The following SUFU variants were observed in gnomAD, a reference collection of about 807,000 sequenced individuals.
SUFU encodes the protein SUFU negative regulator of hedgehog signaling, also known as suppressor of fused homolog.
A neutral mutation model predicts 58.9 loss-of-function variants in SUFU; 7 were observed. That is an observed-to-expected ratio of 0.12 (90% CI 0.07 to 0.22). The LOEUF (loss-of-function observed/expected upper bound fraction) is 0.22. Among genes scored for constraint, SUFU ranks in the 10% least tolerant of loss-of-function variants. SUFU has a pLI of 1.00. For synonymous variants in SUFU, 232 were observed against 254.8 expected, an observed-to-expected ratio of 0.91 and a Z score of 0.85; for missense variants, 451 against 641.3, an observed-to-expected ratio of 0.70 and a Z score of 3.20.
intron 10 of SUFU, among the ~76,000 whole-genome samples, chr10:102,621,353 A>G (rs2063738838): frequency 1.3e-5 from 2 of 152,132 alleles, no homozygotes; most frequent in South Asian, 4.1e-4. Flanking sequence ...CCTCCCTTGT[A>G]GGAAAGGACT....
At chr10:102,560,486 A>T (rs1442294411) in intron 3 of SUFU, among the ~76,000 whole-genome samples, 1 of 152,102 alleles carries the variant, frequency 6.6e-6, no homozygotes, top group Non-Finnish European at 1.5e-5. Flanking sequence ...GAGGCACGAG[A>T]ATTGCTTGAA....
chr10:102,535,112 A>C (rs1239130536), intron 2 of SUFU, among the ~76,000 whole-genome samples: 1 of 152,166 alleles, frequency 6.6e-6, no homozygotes, highest in Admixed American at 6.5e-5. Flanking sequence ...AAGGAGGACT[A>C]ACCCCAGGAT....
At chr10:102,598,156 T>C (rs1478180498) in intron 7 of SUFU, among the ~76,000 whole-genome samples, 1 of 152,104 alleles carries the variant, frequency 6.6e-6, no homozygotes, top group Non-Finnish European at 1.5e-5. Flanking sequence ...TTTGAGCCCT[T>C]TCTTTTTTTT....
intron 3 of SUFU, among the ~76,000 whole-genome samples, chr10:102,551,710 G>T (rs2135747509): frequency 1.4e-5 from 2 of 143,510 alleles, no homozygotes; most frequent in Non-Finnish European, 1.5e-5. Context: ...TTATTATTAT[G>T]TGCCTTCTTT....
intron 10 of SUFU, among the ~76,000 whole-genome samples, chr10:102,622,330 G>A (rs765353260): frequency 4.6e-5 from 7 of 152,206 alleles, no homozygotes; most frequent in African/African-American, 7.2e-5. Context: ...TGCTGGCCAG[G>A]TGCGGTGGCT....
chr10:102,579,052 A>G (rs2063245828), intron 3 of SUFU, among the ~76,000 whole-genome samples: 1 of 152,234 alleles, frequency 6.6e-6, no homozygotes, highest in South Asian at 2.1e-4. Context: ...CTGCTTAAAA[A>G]GAAAAGTGAA....
In SUFU at chr10:102,503,978, G is replaced by C. The variant is rs553884422; in HGVS notation, c.-175G>C. ...CCCCGAGGCACCCTCTGGCAGACTC[G>C]GCGGCGGCGACAGCCTGGGCGGACA... On this transcript the variant is annotated 5_prime_UTR_variant, in exon 1 of 12. Coordinates refer to ENST00000369902, the MANE Select transcript of SUFU (RefSeq NM_016169.4). 1.3e-5 allele frequency: 12 copies of C among 925,414 alleles called. No homozygotes were observed. The highest frequency in any genetic ancestry group is 3.5e-4 in the Middle Eastern group (1 of 2,860). The allele number at this position is 925,414 out of a possible 1,614,324, so 57.3% of individuals were successfully genotyped here.
intron 8 of SUFU, among the ~76,000 whole-genome samples, chr10:102,606,522 G>A (rs1438730243): frequency 2.0e-5 from 3 of 152,176 alleles, no homozygotes; most frequent in Non-Finnish European, 2.9e-5. Flanking sequence ...AGACTGCAGG[G>A]ATTAAGTGTC....
In SUFU at chr10:102,632,756, GGTCCC is replaced by G. The variant is rs2063848299; in HGVS notation, c.*2602_*2606del. 4.3e-6 allele frequency: 1 copy of G among 233,326 alleles called. No homozygotes were observed. The highest frequency in any genetic ancestry group is 8.5e-6 in the Non-Finnish European group (1 of 118,162). The allele number at this position is 233,326 out of a possible 1,614,324, so 14.5% of individuals were successfully genotyped here. A position where few individuals can be genotyped will look rare whatever the true frequency, so the allele number is the denominator to read the frequency against. On this transcript the variant is annotated 3_prime_UTR_variant, in exon 12 of 12. Transcript: ENST00000369902. ...TTGCCTAGTTGTACCCACCCCTCCA[GGTCCC>G]TGGTGCTAGAGCTTCTGAGAAGGGC...
At chr10:102,534,669 G>C (rs1013012115) in intron 2 of SUFU, among the ~76,000 whole-genome samples, 1 of 152,240 alleles carries the variant, frequency 6.6e-6, no homozygotes, top group African/African-American at 2.4e-5. Flanking sequence ...TCTTAGAGCA[G>C]ATTGACAGGA....
intron 3 of SUFU, among the ~76,000 whole-genome samples, chr10:102,583,909 T>C (rs1564692641): frequency 6.6e-6 from 1 of 152,148 alleles, no homozygotes; most frequent in African/African-American, 2.4e-5. Flanking sequence ...TGGGGTATGT[T>C]TCTACAGACT....
intron 2 of SUFU, among the ~76,000 whole-genome samples, chr10:102,546,201 G>C (rs1302704763): frequency 6.6e-6 from 1 of 152,216 alleles, no homozygotes; most frequent in Non-Finnish European, 1.5e-5. Context: ...TTGCCAAACT[G>C]CTGGGACAAA....
At chr10:102,609,250 G>A (rs1375607692) in intron 8 of SUFU, among the ~76,000 whole-genome samples, 1 of 150,876 alleles carries the variant, frequency 6.6e-6, no homozygotes, top group Non-Finnish European at 1.5e-5. Flanking sequence ...CAAAGGATTA[G>A]CATGGGACCC....
chr10:102,628,622 A>T lies in SUFU; in HGVS notation c.1365+1379A>T, dbSNP rs2063808617. 1.3e-5 allele frequency among the ~76,000 whole-genome samples: 2 copies of T among 152,176 alleles called. No homozygotes were observed. Among genetic ancestry groups the T allele is most frequent in the African/African-American group, 4.8e-5 (2 of 41,436 alleles). ...ACAGAAGCCTGGGGGAGCAGAGGAA[A>T]GTAGGTCACTAAAAATGACTTTTTT... On this transcript the variant is annotated intron_variant, in intron 11 of 11. Coordinates refer to ENST00000369902, the MANE Select transcript of SUFU (RefSeq NM_016169.4). The surrounding 1 kb of genome is among the most constrained non-coding windows in gnomAD (Gnocchi z 4.5).
intron 2 of SUFU, among the ~76,000 whole-genome samples, chr10:102,517,378 T>C (rs2062484664): frequency 6.6e-6 from 1 of 152,122 alleles, no homozygotes; most frequent in Non-Finnish European, 1.5e-5. Flanking sequence ...TGGTGCCAGG[T>C]AGGTCAGCGC....
In SUFU at chr10:102,503,990, A is replaced by G. The variant is rs886046652; in HGVS notation, c.-163A>G. 5 of 1,046,454 alleles carry G rather than the reference A, an allele frequency of 4.8e-6. No homozygotes were observed. The South Asian group carries it at 1.0e-4, about 22-fold the overall frequency. The allele number at this position is 1,046,454 out of a possible 1,614,324, so 64.8% of individuals were successfully genotyped here. ...CTCTGGCAGACTCGGCGGCGGCGACAGCCTGGGCGGACAGTGCGCCGTGCG... is the reference window on the plus strand; with the variant it reads ...CTCTGGCAGACTCGGCGGCGGCGACGGCCTGGGCGGACAGTGCGCCGTGCG... On this transcript the variant is annotated 5_prime_UTR_variant, in exon 1 of 12. Transcript: ENST00000369902.
At chr10:102,535,183 G>A (rs2062722014) in intron 2 of SUFU, among the ~76,000 whole-genome samples, 1 of 152,054 alleles carries the variant, frequency 6.6e-6, no homozygotes. Flanking sequence ...GGAAGAGGAA[G>A]GGGGAAAGAA....
At chr10:102,513,527 G>A (rs2062426770) in intron 2 of SUFU, among the ~76,000 whole-genome samples, 2 of 152,176 alleles carry the variant, frequency 1.3e-5, no homozygotes, top group Non-Finnish European at 2.9e-5. Flanking sequence ...TGTTCTAGAG[G>A]GGAGATAAAC....
chr10:102,519,527 C>CAAAA lies in SUFU; in HGVS notation c.317+10238_317+10241dup, dbSNP rs35007507. The stretch of plus-strand genomic sequence containing the variant: ...TGGCAACAAGAGAGAAACTCTGTCT[C>CAAAA]AAAAAAAAAAAAAAAAAGTCTTCTG... On this transcript the variant is annotated intron_variant, in intron 2 of 11. Coordinates refer to ENST00000369902, the MANE Select transcript of SUFU (RefSeq NM_016169.4). Among the ~76,000 whole-genome samples, 1,304 of 127,260 alleles carry CAAAA rather than the reference C, an allele frequency of 0.01. 70 individuals carry two copies. The East Asian group carries it at 0.16, about 16-fold the overall frequency. The allele number at this position is 127,260 out of a possible 152,430, so 83.5% of individuals were successfully genotyped here. A position where few individuals can be genotyped will look rare whatever the true frequency, so the allele number is the denominator to read the frequency against.
Sources: allele counts gnomAD v4.1 joint callset (sites outside exome capture counted in the v4.1 genomes callset), GRCh38; gene constraint gnomAD v4.1.1; non-coding constraint Gnocchi (gnomAD v3.1); transcripts MANE v1.5; gene names NCBI Gene and HGNC (gene_info 2026-07-23, HGNC 2026-07-21).